GIGYF2: variants seen among roughly 807,000 people sequenced by gnomAD.
GIGYF2 encodes GRB10-interacting GYF protein 2.
Under a neutral mutation model 208.1 loss-of-function variants are expected in GIGYF2, and 25 were observed. That is an observed-to-expected ratio of 0.12 (90% CI 0.09 to 0.17). GIGYF2 has a LOEUF of 0.17. Ranked by LOEUF, GIGYF2 falls within the 10% of genes least tolerant of loss-of-function variation. The pLI is 1.00. For synonymous variants in GIGYF2, 534 were observed against 543.8 expected (o/e 0.98, Z 0.25); for missense variants, 1,302 against 1,579.4 (o/e 0.82, Z 2.98).
At chr2:232,816,802 T>C in intron 19 of GIGYF2, 69 bp from the exon 20 acceptor site, 1 of 1,146,142 alleles carries the variant, frequency 8.7e-7, no homozygotes, top group South Asian at 1.2e-5. Flanking sequence ...CGAATACTAC[T>C]GGTCAGTGCT....
At chr2:232,715,527 T>C (rs1574783579) in intron 2 of GIGYF2, among the ~76,000 whole-genome samples, 1 of 151,974 alleles carries the variant, frequency 6.6e-6, no homozygotes, top group African/African-American at 2.4e-5. Flanking sequence ...TCATGTATAG[T>C]GTACGGGCCA....
At chr2:232,758,585 A>G (rs1698629794) in intron 6 of GIGYF2, among the ~76,000 whole-genome samples, 1 of 152,188 alleles carries the variant, frequency 6.6e-6, no homozygotes, top group Non-Finnish European at 1.5e-5. Flanking sequence ...CAAGTTGGAA[A>G]GCTTTAGAAC....
At chr2:232,851,283 C>G (rs1574955667) in intron 28 of GIGYF2, among the ~76,000 whole-genome samples, 4 of 152,278 alleles carry the variant, frequency 2.6e-5, no homozygotes, top group Admixed American at 2.6e-4. Context: ...CCACTGCACT[C>G]TAGCTTCTCT....
At chr2:232,730,402 C>T (rs1309736570) in intron 2 of GIGYF2, among the ~76,000 whole-genome samples, 6 of 145,706 alleles carry the variant, frequency 4.1e-5, no homozygotes, top group Admixed American at 3.5e-4. Context: ...GTTGGGAGTT[C>T]GAGACCAGCC....
intron 8 of GIGYF2, chr2:232,771,435 A>G: frequency 3.5e-6 from 4 of 1,152,700 alleles, no homozygotes; most frequent in Non-Finnish European, 3.8e-6. Flanking sequence ...ATGTTTGTGA[A>G]TTTGGAGAGC....
intron 6 of GIGYF2, among the ~76,000 whole-genome samples, chr2:232,757,568 A>G (rs1698595855): frequency 6.6e-6 from 1 of 152,056 alleles, no homozygotes; most frequent in Non-Finnish European, 1.5e-5. Context: ...TCGAGTTGGG[A>G]CTGACCACTT....
At position 232,858,481 on chromosome 2, in the gene GIGYF2, C is replaced by CTA. The variant is rs1690655292; in HGVS notation, c.*1621_*1622insTA. On this transcript the variant is annotated 3_prime_UTR_variant, in exon 29 of 29. Transcript: ENST00000373563. Reference sequence around the variant, plus strand: ...GAGGAAACCATTAAAAGTTGGGGCTCCTACTCTCCTTTGCTTTGTAAATTC... The same window carrying CTA: ...GAGGAAACCATTAAAAGTTGGGGCTCTACTACTCTCCTTTGCTTTGTAAATTC... 6.6e-6 allele frequency: 3 copies of CTA among 455,924 alleles called. No homozygotes were observed. In the Admixed American group the frequency reaches 7.1e-5, roughly 11 times the overall value. The allele number at this position is 455,924 out of a possible 1,614,324, so 28.2% of individuals were successfully genotyped here. A position where few individuals can be genotyped will look rare whatever the true frequency, so the allele number is the denominator to read the frequency against.
chr2:232,793,155 A>G lies in GIGYF2; in HGVS notation c.1283-1593A>G, dbSNP rs147200434. Among the ~76,000 whole-genome samples the G allele has an allele frequency of 4.6e-5, 7 of 152,324 alleles. No individual in the cohort carries two copies. The East Asian group carries it at 1.4e-3, about 29-fold the overall frequency. On this transcript the variant is annotated intron_variant, in intron 12 of 28. Coordinates refer to ENST00000373563, the MANE Select transcript of GIGYF2 (RefSeq NM_001103146.3). Reference sequence around the variant, plus strand: ...GGACTGATCCAGGCTTGGGCAGGAAATCAGCTCTTGTTTTTATTTGATGAA... The same window carrying G: ...GGACTGATCCAGGCTTGGGCAGGAAGTCAGCTCTTGTTTTTATTTGATGAA...
At chr2:232,767,645 C>T (rs1050255136) in intron 8 of GIGYF2, 2 of 156,946 alleles carry the variant, frequency 1.3e-5, no homozygotes, top group South Asian at 1.9e-4. Flanking sequence ...AATTTTTGTT[C>T]TTAGTTGTTA....
chr2:232,834,464 G>A (rs1351081044), intron 22 of GIGYF2, among the ~76,000 whole-genome samples: 1 of 152,096 alleles, frequency 6.6e-6, no homozygotes, highest in Admixed American at 6.5e-5. Flanking sequence ...CTTGAAAAAA[G>A]GTAACTTCCA....
At chr2:232,803,015 T>C (rs1476706155) in intron 14 of GIGYF2, among the ~76,000 whole-genome samples, 2 of 151,862 alleles carry the variant, frequency 1.3e-5, no homozygotes. Context: ...TTCTCCTGCC[T>C]CAGCCTCCTG....
chr2:232,784,199 A>C (rs1402424611), intron 8 of GIGYF2, among the ~76,000 whole-genome samples: 2 of 152,238 alleles, frequency 1.3e-5, no homozygotes, highest in Admixed American at 6.5e-5. Context: ...ATTATACAGA[A>C]GTGCCCTTCT....
At chr2:232,750,731 CTGTGTGTGTGTGTG>C (rs61571808) in intron 5 of GIGYF2, among the ~76,000 whole-genome samples, 1 of 147,286 alleles carries the variant, frequency 6.8e-6, no homozygotes, top group Non-Finnish European at 1.5e-5. Context: ...TATATGAGCT[CTGTGTGTGTGTGTG>C]TGTGTGTGTG....
chr2:232,731,242 T>C (rs1007181583), intron 2 of GIGYF2: 2 of 152,226 alleles, frequency 1.3e-5, no homozygotes, highest in Admixed American at 1.3e-4. Flanking sequence ...TATGTGAGCA[T>C]ATGTGATGGC....
At chr2:232,748,431 C>T (rs1272867442) in intron 4 of GIGYF2, among the ~76,000 whole-genome samples, 1 of 152,058 alleles carries the variant, frequency 6.6e-6, no homozygotes, top group Admixed American at 6.6e-5. Context: ...TATAGATATG[C>T]GTTCCCACGC....
intron 2 of GIGYF2, among the ~76,000 whole-genome samples, chr2:232,720,893 C>T (rs1018194545): frequency 1.4e-4 from 21 of 152,116 alleles, no homozygotes; most frequent in African/African-American, 5.1e-4. Context: ...CCGTGCCCTG[C>T]CTCTCTCAGC....
At chr2:232,766,169 C>T (rs1698955155) in intron 8 of GIGYF2, among the ~76,000 whole-genome samples, 1 of 152,166 alleles carries the variant, frequency 6.6e-6, no homozygotes, top group South Asian at 2.1e-4. Context: ...CAGAAACTTT[C>T]TATCTCCTGC....
intron 15 of GIGYF2, 57 bp from the exon 16 acceptor site, chr2:232,809,663 T>C: frequency 1.0e-6 from 1 of 998,548 alleles, no homozygotes; most frequent in African/African-American, 1.6e-5. Context: ...CTAAGTGGCT[T>C]TTAGGTTCTT....
chr2:232,790,974 G>A, intron 10 of GIGYF2, 34 bp from the exon 11 acceptor site: 1 of 1,612,324 alleles, frequency 6.2e-7, no homozygotes, highest in Non-Finnish European at 8.5e-7. Flanking sequence ...AGCCAAATCT[G>A]CTGTTGATCT....
Sources: gnomAD v4.1 joint callset for allele counts (sites outside exome capture counted in the v4.1 genomes callset) on GRCh38, gnomAD v4.1.1 for gene constraint, MANE v1.5 for transcripts, NCBI Gene and HGNC (gene_info 2026-07-23, HGNC 2026-07-21) for gene names.